The following PCDH9 variants were observed in gnomAD, a reference collection of about 807,000 sequenced individuals.
PCDH9 encodes the protein protocadherin-9.
PCDH9 carries 24 observed loss-of-function variants against 70.6 expected under a neutral mutation model. The ratio of observed to expected loss-of-function variants is 0.34; its 90% CI spans 0.25 to 0.48. The LOEUF (loss-of-function observed/expected upper bound fraction) is 0.48. Ranked by LOEUF, PCDH9 falls within the 20% of genes least tolerant of loss-of-function variation. PCDH9 has a pLI of 0.99. For missense variants in PCDH9, 1,281 were observed against 1,503.6 expected (o/e 0.85, Z 2.45); for synonymous variants, 562 against 558.5 (o/e 1.01, Z -0.09).
At chr13:66,923,364 C>A (rs555704194) in intron 2 of PCDH9, among the ~76,000 whole-genome samples, 1 of 151,482 alleles carries the variant, frequency 6.6e-6, no homozygotes, top group Admixed American at 6.6e-5. Context: ...TATATGTAAA[C>A]CCTGTTTCAT....
chr13:66,384,958 G>A (rs1956905819), intron 4 of PCDH9, among the ~76,000 whole-genome samples: 1 of 152,048 alleles, frequency 6.6e-6, no homozygotes, highest in Admixed American at 6.6e-5. Flanking sequence ...TGTGAGCCAT[G>A]GCGCCCGGCC....
chr13:66,906,197 A>G (rs2082357399), intron 2 of PCDH9, among the ~76,000 whole-genome samples: 1 of 152,206 alleles, frequency 6.6e-6, no homozygotes, highest in Admixed American at 6.5e-5. Context: ...CAGATTTGAT[A>G]CATGAATAGA....
chr13:67,214,937 T>TATATAC lies in PCDH9; in HGVS notation c.3036+10467_3036+10468insGTATAT, dbSNP rs1161377055. 1.6e-4 allele frequency: 6 copies of TATATAC among 38,358 alleles called. No individual in the cohort carries two copies. The South Asian group carries it at 7.1e-3, about 46-fold the overall frequency. The allele number at this position is 38,358 out of a possible 1,614,324, so 2.4% of individuals were successfully genotyped here. ...GAGTGTCTGGCTATTGCGAGCCAGA[T>TATATAC]ATATATATATATATATATATATATA... On this transcript the variant is annotated intron_variant, in intron 2 of 4. Coordinates refer to ENST00000377865, the MANE Select transcript of PCDH9 (RefSeq NM_203487.3).
chr13:66,970,270 T>C (rs563016533), intron 2 of PCDH9, among the ~76,000 whole-genome samples: 1 of 152,020 alleles, frequency 6.6e-6, no homozygotes, highest in African/African-American at 2.4e-5. Context: ...AAATGTGTAG[T>C]ATTATGTGGG....
chr13:66,593,985 T>C (rs1291842052), intron 4 of PCDH9, among the ~76,000 whole-genome samples: 1 of 151,506 alleles, frequency 6.6e-6, no homozygotes, highest in East Asian at 1.9e-4. Context: ...AATAGTGGTG[T>C]TTTGGACAAC....
intron 2 of PCDH9, among the ~76,000 whole-genome samples, chr13:67,144,311 T>G (rs2087469158): frequency 6.6e-6 from 1 of 152,138 alleles, no homozygotes; most frequent in South Asian, 2.1e-4. Flanking sequence ...GTAATAACTG[T>G]CTCCTAGGAA....
chr13:67,129,118 A>C (rs2087047442), intron 2 of PCDH9, among the ~76,000 whole-genome samples: 1 of 152,150 alleles, frequency 6.6e-6, no homozygotes, highest in South Asian at 2.1e-4. Flanking sequence ...CATTCTTGTT[A>C]TATTTCTGTT....
chr13:66,865,252 A>G (rs959252696), intron 3 of PCDH9, among the ~76,000 whole-genome samples: 1 of 152,208 alleles, frequency 6.6e-6, no homozygotes, highest in Non-Finnish European at 1.5e-5. Context: ...TGTACTCATT[A>G]TGGGCATTAA....
At chr13:66,622,383 G>T (rs1342417661) in intron 4 of PCDH9, among the ~76,000 whole-genome samples, 1 of 152,204 alleles carries the variant, frequency 6.6e-6, no homozygotes. Context: ...CCCGGTGCAG[G>T]AGCCACTGGG....
intron 4 of PCDH9, among the ~76,000 whole-genome samples, chr13:66,616,341 AT>A (rs1352092012): frequency 2.0e-5 from 3 of 152,150 alleles, no homozygotes; most frequent in Non-Finnish European, 4.4e-5. Flanking sequence ...CTTTTTGCAA[AT>A]AATCAGGCCA....
intron 4 of PCDH9, among the ~76,000 whole-genome samples, chr13:66,528,236 A>G (rs1250316160): frequency 1.3e-5 from 2 of 152,030 alleles, no homozygotes; most frequent in Non-Finnish European, 2.9e-5. Context: ...CGAAAGATCC[A>G]CCTCTGCTTT....
intron 2 of PCDH9, among the ~76,000 whole-genome samples, chr13:67,005,976 C>T (rs1465828841): frequency 6.6e-6 from 1 of 152,172 alleles, no homozygotes; most frequent in African/African-American, 2.4e-5. Context: ...CCTGTAATCC[C>T]AGCACTTTGG....
chr13:66,530,049 T>C (rs1239586430), intron 4 of PCDH9, among the ~76,000 whole-genome samples: 1 of 152,036 alleles, frequency 6.6e-6, no homozygotes, highest in Non-Finnish European at 1.5e-5. Flanking sequence ...GCATATATAG[T>C]TGTTACATTG....
intron 2 of PCDH9, among the ~76,000 whole-genome samples, chr13:67,032,553 A>G (rs1243116681): frequency 1.3e-5 from 2 of 152,206 alleles, no homozygotes; most frequent in Admixed American, 1.3e-4. Flanking sequence ...AAAAATTCTT[A>G]TGGATATTAA....
chr13:67,025,823 ATC>A (rs1328793975), intron 2 of PCDH9, among the ~76,000 whole-genome samples: 2 of 152,112 alleles, frequency 1.3e-5, no homozygotes, highest in African/African-American at 4.8e-5. Flanking sequence ...ACCTTAATAA[ATC>A]TGTTTGAAAA....
chr13:67,152,901 A>G (rs937657623), intron 2 of PCDH9, among the ~76,000 whole-genome samples: 1 of 152,176 alleles, frequency 6.6e-6, no homozygotes, highest in Non-Finnish European at 1.5e-5. Context: ...CTTAGGCCTC[A>G]AGGAAACAAT....
intron 2 of PCDH9, among the ~76,000 whole-genome samples, chr13:67,198,276 G>T (rs1430432713): frequency 6.6e-6 from 1 of 151,306 alleles, no homozygotes; most frequent in African/African-American, 2.4e-5. Context: ...CTATAACAAG[G>T]ATTTTCTACA....
intron 2 of PCDH9, among the ~76,000 whole-genome samples, chr13:67,180,289 A>G (rs2138479554): frequency 6.6e-6 from 1 of 152,202 alleles, no homozygotes; most frequent in African/African-American, 2.4e-5. Context: ...GCAAGTTTTA[A>G]CTCACAAATG....
At chr13:67,172,590 G>T (rs550473792) in intron 2 of PCDH9, among the ~76,000 whole-genome samples, 5 of 152,132 alleles carry the variant, frequency 3.3e-5, no homozygotes, top group African/African-American at 1.2e-4. Flanking sequence ...AAGAATGGAT[G>T]GTTTTGGCCG....
Sources: allele counts gnomAD v4.1 joint callset (sites outside exome capture counted in the v4.1 genomes callset), GRCh38; gene constraint gnomAD v4.1.1; transcripts MANE v1.5; gene names NCBI Gene and HGNC (gene_info 2026-07-23, HGNC 2026-07-21).